Variants in CYS1 observed in about 807,000 individuals in gnomAD.
CYS1 encodes the protein cystin 1, also known as cystin-1.
CYS1 carries 5 observed loss-of-function variants against 9.6 expected under a neutral mutation model. The observed-to-expected ratio is 0.52, with a 90% CI of 0.27 to 1.10. CYS1 has a LOEUF of 1.10. Among genes scored for constraint, CYS1 ranks in the 50% least tolerant of loss-of-function variants. CYS1 has a pLI of 0.11. For synonymous variants in CYS1, 88 were observed against 95.7 expected, an observed-to-expected ratio of 0.92 and a Z score of 0.47; for missense variants, 221 against 207.9, an observed-to-expected ratio of 1.06 and a Z score of -0.39.
In CYS1 at chr2:10,063,608, G is replaced by A. The variant is rs75881432; in HGVS notation, c.371+2296C>T. Among the ~76,000 whole-genome samples the A allele has an allele frequency of 6.3e-4, 96 of 152,274 alleles. No individual in the cohort carries two copies. Among genetic ancestry groups the A allele is most frequent in the Admixed American group, 1.2e-3 (18 of 15,294 alleles). On this transcript the variant is annotated intron_variant, in intron 2 of 2. Coordinates refer to ENST00000381813, the MANE Select transcript of CYS1 (RefSeq NM_001037160.3). The surrounding 1 kb of genome is among the most constrained non-coding windows in gnomAD (Gnocchi z 4.2). ...CATTGGAAGGACCCTGCCTGGGAGG[G>A]TGAGGGTGACACTGGAGGGAGGAGA...
rs1389116864 is a variant in CYS1, at chr2:10,063,569, C to T, written c.371+2335G>A. 6.6e-6 allele frequency among the ~76,000 whole-genome samples: 1 copy of T among 152,158 alleles called. No individual in the cohort carries two copies. Among genetic ancestry groups the T allele is most frequent in the Non-Finnish European group, 1.5e-5 (1 of 68,034 alleles). On this transcript the variant is annotated intron_variant, in intron 2 of 2. Transcript: ENST00000381813. The surrounding 1 kb of genome is among the most constrained non-coding windows in gnomAD (Gnocchi z 4.2). ...GAGTCAGCTGCAGACATTAGCACCT[C>T]CACCCTGAAACACCATTGGAAGGAC...
At chr2:10,075,537 TAA>T (rs1283490861) in intron 1 of CYS1, among the ~76,000 whole-genome samples, 20 of 152,222 alleles carry the variant, frequency 1.3e-4, no homozygotes, top group Admixed American at 1.3e-3. Context: ...GCAAGTCCAT[TAA>T]GTTACCCATC....
intron 1 of CYS1, among the ~76,000 whole-genome samples, chr2:10,071,416 T>G (rs1558359890): frequency 6.6e-6 from 1 of 152,294 alleles, no homozygotes; most frequent in East Asian, 1.9e-4. Flanking sequence ...GACCTGACTT[T>G]GCACTGCTCA....
chr2:10,060,950 C>T (rs1661618909), intron 2 of CYS1, among the ~76,000 whole-genome samples: 1 of 152,136 alleles, frequency 6.6e-6, no homozygotes, highest in Admixed American at 6.5e-5. Flanking sequence ...TCATGCCTGG[C>T]CCGGCGCAGT....
chr2:10,078,248 G>A (rs1572462722), intron 1 of CYS1, among the ~76,000 whole-genome samples: 2 of 152,106 alleles, frequency 1.3e-5, no homozygotes, highest in Non-Finnish European at 1.5e-5. Flanking sequence ...TTCAGGACTC[G>A]GCCACCTGGA....
At chr2:10,070,676 G>T (rs2125290310) in intron 1 of CYS1, among the ~76,000 whole-genome samples, 1 of 152,114 alleles carries the variant, frequency 6.6e-6, no homozygotes, top group South Asian at 2.1e-4. Flanking sequence ...ACAGGGTCTT[G>T]TTCTGTTGCC....
Position 10,058,890 on chromosome 2 carries a change from C to T in CYS1, c.440G>A (p.Gly147Glu), listed in dbSNP as rs1000035721. 6.3e-7 allele frequency: 1 copy of T among 1,594,812 alleles called. No homozygotes were observed. Residue 147 changes from glycine (G) to glutamate (E), a missense_variant, in exon 3 of 3, where the codon GGG becomes GAG. Coordinates refer to ENST00000381813, the MANE Select transcript of CYS1 (RefSeq NM_001037160.3). Reference sequence around the variant, plus strand: ...CTCCCGCTCGATGCTCGCCATCAGCCCCTCTTCCGAGTGGTCGTAGGAGAT... The same window carrying T: ...CTCCCGCTCGATGCTCGCCATCAGCTCCTCTTCCGAGTGGTCGTAGGAGAT... ...AAISYDHSEEGLMASIEREYC... is the reference protein window; with the variant it reads ...AAISYDHSEEELMASIEREYC...
chr2:10,079,165 C>T (rs1352686153), intron 1 of CYS1, among the ~76,000 whole-genome samples: 1 of 152,124 alleles, frequency 6.6e-6, no homozygotes, highest in African/African-American at 2.4e-5. Flanking sequence ...TGTCCCTCTC[C>T]CCCACCCTCC....
rs1661566205 is a variant in CYS1, at chr2:10,057,487, C to CCG, written c.*1365_*1366insCG. The CCG allele has an allele frequency of 6.6e-6, 1 of 152,354 alleles. No homozygotes were observed. Among genetic ancestry groups the CCG allele is most frequent in the Non-Finnish European group, 1.5e-5 (1 of 68,136 alleles). The allele number at this position is 152,354 out of a possible 1,614,324, so 9.4% of individuals were successfully genotyped here. Reference sequence around the variant, plus strand: ...TGGTTCCTGAGATGCTCCTGCTCTGCTGTGTTCTAAGGACCTGCGAGCTGG... The same window carrying CCG: ...TGGTTCCTGAGATGCTCCTGCTCTGCCGTGTGTTCTAAGGACCTGCGAGCTGG... On this transcript the variant is annotated 3_prime_UTR_variant, in exon 3 of 3. Transcript: ENST00000381813.
At chr2:10,073,517 T>C (rs1661802880) in intron 1 of CYS1, among the ~76,000 whole-genome samples, 1 of 152,116 alleles carries the variant, frequency 6.6e-6, no homozygotes. Context: ...ATTTCAGCAA[T>C]AGAAAGAAAT....
rs950791460 is a variant in CYS1 at position 10,063,294 on chromosome 2, A to G, written c.371+2610T>C. 6.6e-6 allele frequency among the ~76,000 whole-genome samples: 1 copy of G among 152,138 alleles called. No homozygotes were observed. The highest frequency in any genetic ancestry group is 1.5e-5 in the Non-Finnish European group (1 of 68,010). ...GTGGACCTACTACAGGAGAGGCCAC[A>G]TGTGGGAGGGGCTGGGAAGTTGCAC... On this transcript the variant is annotated intron_variant, in intron 2 of 2. Coordinates refer to ENST00000381813, the MANE Select transcript of CYS1 (RefSeq NM_001037160.3). This position sits in a 1 kb window ranked among gnomAD's most constrained non-coding sequence, Gnocchi z 4.2.
intron 2 of CYS1, among the ~76,000 whole-genome samples, chr2:10,059,196 G>A: frequency 6.6e-6 from 1 of 152,244 alleles, no homozygotes; most frequent in East Asian, 1.9e-4. Context: ...CACCTGCCCT[G>A]GTTGAGGGAG....
chr2:10,078,483 T>G (rs1012170591), intron 1 of CYS1, among the ~76,000 whole-genome samples: 2 of 152,228 alleles, frequency 1.3e-5, no homozygotes, highest in Non-Finnish European at 1.5e-5. Flanking sequence ...CTAAGACCTC[T>G]CTGACCCATG....
chr2:10,067,079 G>T (rs998008240), intron 1 of CYS1, among the ~76,000 whole-genome samples: 1 of 152,068 alleles, frequency 6.6e-6, no homozygotes, highest in Non-Finnish European at 1.5e-5. Context: ...GCAATGGTGC[G>T]ATCTCAGCTC....
chr2:10,063,997 C>T lies in CYS1; in HGVS notation c.371+1907G>A, dbSNP rs1057220585. Among the ~76,000 whole-genome samples the T allele has an allele frequency of 1.6e-4, 25 of 152,152 alleles. No homozygotes were observed. Among genetic ancestry groups the T allele is most frequent in the Admixed American group, 6.5e-4 (10 of 15,276 alleles). On this transcript the variant is annotated intron_variant, in intron 2 of 2. Transcript: ENST00000381813. This position sits in a 1 kb window ranked among gnomAD's most constrained non-coding sequence, Gnocchi z 4.2. ...CAGCACTTTGGGAGGCCAAGGTGGG[C>T]GGATCACCTGAGGCCAGGAGTTTGA... is the stretch of plus-strand genomic sequence containing the variant.
chr2:10,069,624 C>T (rs920102055), intron 1 of CYS1, among the ~76,000 whole-genome samples: 3 of 152,126 alleles, frequency 2.0e-5, no homozygotes, highest in African/African-American at 7.2e-5. Flanking sequence ...GCCTCAGCCT[C>T]CCAAGATGCT....
chr2:10,067,114 C>A (rs1661708344), intron 1 of CYS1, among the ~76,000 whole-genome samples: 1 of 152,142 alleles, frequency 6.6e-6, no homozygotes, highest in Non-Finnish European at 1.5e-5. Flanking sequence ...CTCCCGGATT[C>A]AAGTGATTCT....
At chr2:10,071,109 G>A (rs1010293225) in intron 1 of CYS1, among the ~76,000 whole-genome samples, 3 of 152,056 alleles carry the variant, frequency 2.0e-5, no homozygotes, top group African/African-American at 7.3e-5. Context: ...GGGATTACAG[G>A]TGCCCGCCAC....
Position 10,063,692 on chromosome 2 carries a change from C to T in CYS1, c.371+2212G>A, listed in dbSNP as rs1047779119. Among the ~76,000 whole-genome samples the T allele has an allele frequency of 1.3e-5, 2 of 152,146 alleles. No homozygotes were observed. Among genetic ancestry groups the T allele is most frequent in the Non-Finnish European group, 2.9e-5 (2 of 68,020 alleles). On this transcript the variant is annotated intron_variant, in intron 2 of 2. Coordinates refer to ENST00000381813, the MANE Select transcript of CYS1 (RefSeq NM_001037160.3). This position sits in a 1 kb window ranked among gnomAD's most constrained non-coding sequence, Gnocchi z 4.2. ...GAGGCACTGGTACCCAAGAGCTGCA[C>T]GCTGGGGGGCTGAGACTGGCCTGCA...
Sources: allele counts gnomAD v4.1 joint callset (sites outside exome capture counted in the v4.1 genomes callset), GRCh38; gene constraint gnomAD v4.1.1; non-coding constraint Gnocchi (gnomAD v3.1); transcripts MANE v1.5; gene names NCBI Gene and HGNC (gene_info 2026-07-23, HGNC 2026-07-21).